The following MYH11 variants were observed in gnomAD, a reference collection of about 807,000 sequenced individuals.
MYH11 encodes the protein myosin-11.
In MYH11, 80 loss-of-function variants were observed where a neutral mutation model predicts 246.6. That is an observed-to-expected ratio of 0.32 (90% CI 0.27 to 0.39). MYH11 has a LOEUF of 0.39. MYH11 is among the 10% of genes least tolerant of loss of function. MYH11 has a pLI of 1.00. For missense variants in MYH11, 2,158 were observed against 2,546.8 expected (o/e 0.85, Z 3.29); for synonymous variants, 1,071 against 1,015.5 (o/e 1.05, Z -1.04).
intron 22 of MYH11, 98 bp downstream of exon 22, chr16:15,741,365 C>A: frequency 7.5e-7 from 1 of 1,339,116 alleles, no homozygotes; most frequent in South Asian, 1.2e-5. Flanking sequence ...CATCATCTGT[C>A]CCAGCAGGGA....
At chr16:15,794,549 C>G (rs777778197) in intron 4 of MYH11, among the ~76,000 whole-genome samples, 2 of 152,230 alleles carry the variant, frequency 1.3e-5, no homozygotes, top group African/African-American at 4.8e-5. Flanking sequence ...TCCTTGCTAA[C>G]GCTGCATTCC....
chr16:15,835,746 A>AC lies in MYH11; in HGVS notation c.345+2161_345+2162insG, dbSNP rs1304314972. The stretch of plus-strand genomic sequence containing the variant: ...TAACCCACTCCATGAAGCTGGTACT[A>AC]TTTTTTTTTTTTTTTTTTTTTGAAA... On this transcript the variant is annotated intron_variant, in intron 2 of 40. Coordinates refer to ENST00000300036, the MANE Select transcript of MYH11 (RefSeq NM_002474.3). Among the ~76,000 whole-genome samples the AC allele has an allele frequency of 1.0e-3, 132 of 132,088 alleles. 1 individual carries two copies. Among genetic ancestry groups the AC allele is most frequent in the African/African-American group, 3.7e-3 (130 of 35,558 alleles). 86.7% of individuals were successfully genotyped at this position (132,088 alleles called of 152,430 possible).
chr16:15,725,954 A>G (rs1333377144), intron 28 of MYH11: 1 of 352,562 alleles, frequency 2.8e-6, no homozygotes, highest in East Asian at 4.2e-5. Context: ...ACTCTGTACT[A>G]TCTCCCCCTA....
chr16:15,847,621 TACAACAGA>T (rs1291996523), intron 1 of MYH11, among the ~76,000 whole-genome samples: 1 of 152,128 alleles, frequency 6.6e-6, no homozygotes, highest in Non-Finnish European at 1.5e-5. Context: ...TAGCAAAAGC[TACAACAGA>T]AAAATAAAAG....
Position 15,717,180 on chromosome 16 carries a change from T to G in MYH11, c.5464A>C (p.Lys1822Gln), listed in dbSNP as rs1397844209. The G allele has an allele frequency of 6.2e-7, 1 of 1,614,170 alleles. No homozygotes were observed. Among genetic ancestry groups the G allele is most frequent in the Non-Finnish European group, 8.5e-7 (1 of 1,180,012 alleles). ...ACCTGCTCCTCCAGCTGTGCAATCT[T>G]GGCCTCCAGCGCCGCGATGGTGGAC... ...FKSTIAALEA[K>Q]IAQLEEQVEQ... Residue 1822 changes from lysine (K) to glutamine (Q), a missense_variant, in exon 38 of 41, where the codon AAG becomes CAG. Physicochemically the swap from Lys to Gln is moderately conservative, Grantham distance 53. Transcript: ENST00000300036.
rs201831933 is a variant in MYH11 at position 15,726,915 on chromosome 16, A to T, written c.3791T>A (p.Leu1264Gln). The T allele has an allele frequency of 1.2e-6, 2 of 1,612,868 alleles. No individual in the cohort carries two copies. Among genetic ancestry groups the T allele is most frequent in the African/African-American group, 1.3e-5 (1 of 74,976 alleles). Residue 1264 changes from leucine (L) to glutamine (Q), a missense_variant, in exon 28 of 41, where the codon CTG becomes CAG. Transcript: ENST00000300036. ...KKKLEAQVQELQSKCSDGERA... is the reference protein window; with the variant it reads ...KKKLEAQVQEQQSKCSDGERA... ...CTCCCCATCGCTGCACTTGGACTGC[A>T]GCTCCTGCACCTGCGCCTCCAGCTT...
chr16:15,815,522 TTTAAA>T (rs1382385191), intron 3 of MYH11, among the ~76,000 whole-genome samples: 1 of 151,696 alleles, frequency 6.6e-6, no homozygotes, highest in African/African-American at 2.4e-5. Flanking sequence ...AAGAAAGAGA[TTTAAA>T]TTATAGGATT....
intron 3 of MYH11, among the ~76,000 whole-genome samples, chr16:15,810,363 C>A (rs938717626): frequency 1.3e-5 from 2 of 152,040 alleles, no homozygotes; most frequent in African/African-American, 2.4e-5. Flanking sequence ...ACAAATAATT[C>A]TCCTTTGCTG....
At chr16:15,789,751 T>C (rs189215148) in intron 4 of MYH11, among the ~76,000 whole-genome samples, 13 of 152,244 alleles carry the variant, frequency 8.5e-5, no homozygotes, top group African/African-American at 2.9e-4. Context: ...CATTCTAAAG[T>C]GAAGGGGTTG....
chr16:15,705,534 T>C (rs1433082598), intron 40 of MYH11, among the ~76,000 whole-genome samples: 1 of 152,198 alleles, frequency 6.6e-6, no homozygotes, highest in African/African-American at 2.4e-5. Flanking sequence ...AATAATTATG[T>C]TGGGCTCTGG....
At chr16:15,856,294 C>A (rs2044467745) in intron 1 of MYH11, among the ~76,000 whole-genome samples, 1 of 147,594 alleles carries the variant, frequency 6.8e-6, no homozygotes, top group South Asian at 2.1e-4. Context: ...CCTTATCTCC[C>A]AGGGGTTCTC....
chr16:15,758,741 G>A (rs1010678317), intron 12 of MYH11, among the ~76,000 whole-genome samples: 3 of 151,190 alleles, frequency 2.0e-5, no homozygotes, highest in Non-Finnish European at 2.9e-5. Context: ...CGGAGGTTGC[G>A]GTGAGCCAAG....
intron 2 of MYH11, among the ~76,000 whole-genome samples, chr16:15,830,364 G>C (rs988593703): frequency 5.0e-4 from 76 of 152,202 alleles, no homozygotes; most frequent in African/African-American, 1.7e-3. Context: ...AGAGCAAAAA[G>C]ACTAGAAACA....
chr16:15,837,481 G>T (rs1032538355), intron 2 of MYH11, among the ~76,000 whole-genome samples: 4 of 151,464 alleles, frequency 2.6e-5, no homozygotes, highest in Non-Finnish European at 5.9e-5. Flanking sequence ...ACCCACCTTG[G>T]AATGATTCCA....
chr16:15,713,123 A>C (rs1296922616), intron 40 of MYH11: 1 of 151,954 alleles, frequency 6.6e-6, no homozygotes, highest in Non-Finnish European at 1.5e-5. Flanking sequence ...CCATTTGCTG[A>C]TGGAGCAAAT....
intron 40 of MYH11, among the ~76,000 whole-genome samples, chr16:15,710,187 T>G (rs2039699940): frequency 6.6e-6 from 1 of 152,172 alleles, no homozygotes; most frequent in Admixed American, 6.5e-5. Context: ...GGCTCAAGTG[T>G]CTGGGGCAGA....
At chr16:15,773,290 ATT>A (rs34265896) in intron 8 of MYH11, among the ~76,000 whole-genome samples, 17 of 128,610 alleles carry the variant, frequency 1.3e-4, no homozygotes, top group African/African-American at 2.3e-4. Flanking sequence ...TCCTCCAGCT[ATT>A]TTTTTTTTTT....
intron 2 of MYH11, among the ~76,000 whole-genome samples, chr16:15,832,220 G>GA (rs1200246074): frequency 6.6e-6 from 1 of 152,164 alleles, no homozygotes; most frequent in African/African-American, 2.4e-5. Context: ...ACCAGAACTG[G>GA]AAAAATGTCC....
At chr16:15,740,794 TAAC>T (rs1440454411) in intron 22 of MYH11, among the ~76,000 whole-genome samples, 1 of 152,126 alleles carries the variant, frequency 6.6e-6, no homozygotes, top group South Asian at 2.1e-4. Flanking sequence ...GATTTGCTTC[TAAC>T]AACAACAACA....
Sources: gnomAD v4.1 joint callset for allele counts (sites outside exome capture counted in the v4.1 genomes callset) on GRCh38, gnomAD v4.1.1 for gene constraint, MANE v1.5 for transcripts, NCBI Gene and HGNC (gene_info 2026-07-23, HGNC 2026-07-21) for gene names.